KSR1: variants seen among roughly 807,000 people sequenced by gnomAD.
KSR1 encodes the protein kinase suppressor of ras 1.
In KSR1, 35 loss-of-function variants were observed where a neutral mutation model predicts 92.9. The observed-to-expected ratio is 0.38, with a 90% CI of 0.29 to 0.50. The LOEUF is 0.50. KSR1 is among the 20% of genes least tolerant of loss of function. The probability of loss-of-function intolerance (pLI) is 0.94; values close to 1 mark genes in which losing one functional copy is unlikely to be tolerated. For synonymous variants in KSR1, 467 were observed against 472.6 expected, an observed-to-expected ratio of 0.99 and a Z score of 0.15; for missense variants, 972 against 1,158.5, an observed-to-expected ratio of 0.84 and a Z score of 2.34.
At chr17:27,585,311 GCCTCCT>G (rs2072924137) in intron 4 of KSR1, among the ~76,000 whole-genome samples, 2 of 152,158 alleles carry the variant, frequency 1.3e-5, no homozygotes, top group Non-Finnish European at 2.9e-5. Context: ...GACCTACTGA[GCCTCCT>G]GAGGCTCAGT....
Position 27,550,658 on chromosome 17 carries a change from C to T in KSR1, c.322C>T (p.Arg108Cys), listed in dbSNP as rs556864965. The T allele has an allele frequency of 1.2e-5, 9 of 764,134 alleles. No individual in the cohort carries two copies. In the East Asian group the frequency reaches 1.5e-4, roughly 12 times the overall value. 47.3% of individuals were successfully genotyped at this position (764,134 alleles called of 1,614,324 possible). ...ERTPELNSYP[R>C]FSDWLYTFNV... ...GACCCCAGAGCTCAACAGCTACCCC[C>T]GCTTCAGCGACTGGCTGTACACTTT... The change falls in exon 2 of 21, where the codon CGC becomes TGC. Residue 108 changes from arginine (R) to cysteine (C), a missense_variant. By Grantham distance (180) the Arg-to-Cys change is radical (BLOSUM62 -3). This residue lies in a region of KSR1 where 611 missense variants were observed against 668.0 expected (regional missense o/e 0.91). Coordinates refer to ENST00000644974, the MANE Select transcript of KSR1 (RefSeq NM_001394583.1).
chr17:27,458,849 C>T (rs866036600), intron 1 of KSR1, among the ~76,000 whole-genome samples: 19 of 152,156 alleles, frequency 1.2e-4, no homozygotes, highest in Middle Eastern at 6.8e-3. Context: ...CACTTCATCC[C>T]GGAGGCCTCA....
chr17:27,458,283 CA>C (rs1391699328), intron 1 of KSR1, among the ~76,000 whole-genome samples: 1 of 152,152 alleles, frequency 6.6e-6, no homozygotes, highest in Non-Finnish European at 1.5e-5. Context: ...GTTTGCTCAG[CA>C]AAGTTCAGTT....
intron 1 of KSR1, chr17:27,483,618 T>C (rs1377549991): frequency 6.7e-6 from 1 of 150,212 alleles, no homozygotes; most frequent in Non-Finnish European, 1.5e-5. Flanking sequence ...CACAGACCCA[T>C]GCTTTTCCTC....
At chr17:27,576,986 A>G (rs1331288222) in intron 2 of KSR1, among the ~76,000 whole-genome samples, 1 of 151,610 alleles carries the variant, frequency 6.6e-6, no homozygotes, top group Non-Finnish European at 1.5e-5. Flanking sequence ...GGCCAGTGAA[A>G]AGTTTTGATA....
chr17:27,532,284 C>T (rs2313921), intron 1 of KSR1, among the ~76,000 whole-genome samples: 61,870 of 152,010 alleles, frequency 0.41, 13,276 homozygotes, highest in African/African-American at 0.54. Flanking sequence ...GGGGTTTGCC[C>T]GGTTTTTCTC....
intron 1 of KSR1, among the ~76,000 whole-genome samples, chr17:27,526,119 A>G (rs868548820): frequency 2.9e-5 from 1 of 34,698 alleles, no homozygotes; most frequent in Middle Eastern, 0.018. Flanking sequence ...TCTCTCTCTC[A>G]TGGTTCTTGT....
intron 2 of KSR1, among the ~76,000 whole-genome samples, chr17:27,570,132 C>T (rs1313212676): frequency 6.6e-6 from 1 of 152,204 alleles, no homozygotes; most frequent in Non-Finnish European, 1.5e-5. Flanking sequence ...ACCCCACTGC[C>T]AGAGCTCACC....
chr17:27,519,763 G>A (rs745894626), intron 1 of KSR1, among the ~76,000 whole-genome samples: 4 of 152,202 alleles, frequency 2.6e-5, no homozygotes, highest in East Asian at 1.9e-4. Context: ...AAATTGGGAC[G>A]GGTTGTGGTG....
chr17:27,484,736 C>G (rs913201710), intron 1 of KSR1, among the ~76,000 whole-genome samples: 1 of 152,146 alleles, frequency 6.6e-6, no homozygotes, highest in Non-Finnish European at 1.5e-5. Context: ...TGCCTTGGGG[C>G]TAGGGGTCAG....
intron 15 of KSR1, among the ~76,000 whole-genome samples, chr17:27,608,402 C>A (rs748304382): frequency 2.0e-5 from 3 of 152,094 alleles, no homozygotes; most frequent in African/African-American, 7.2e-5. Flanking sequence ...GTTAAAAACG[C>A]GATAATCCAT....
chr17:27,613,473 A>C (rs954553261), intron 18 of KSR1, among the ~76,000 whole-genome samples: 3 of 152,232 alleles, frequency 2.0e-5, no homozygotes, highest in African/African-American at 7.2e-5. Context: ...ATATCAGGCC[A>C]CCACACACGA....
chr17:27,590,662 G>C, intron 6 of KSR1, 149 bp from the exon 7 acceptor site: 1 of 636,282 alleles, frequency 1.6e-6, no homozygotes, highest in African/African-American at 1.8e-5. Context: ...GTGGCCCGTG[G>C]GTATCTCTGT....
chr17:27,596,191 TCA>T (rs2073339986), intron 9 of KSR1, among the ~76,000 whole-genome samples: 1 of 152,218 alleles, frequency 6.6e-6, no homozygotes, highest in Non-Finnish European at 1.5e-5. Context: ...TTACTAAGCT[TCA>T]TCTGGTTATC....
At chr17:27,615,347 C>G (rs2151260103) in intron 18 of KSR1, among the ~76,000 whole-genome samples, 1 of 152,326 alleles carries the variant, frequency 6.6e-6, no homozygotes, top group Middle Eastern at 3.4e-3. Context: ...AGCCACTGGT[C>G]AGATGATTCA....
chr17:27,535,608 G>A (rs1449591518), intron 1 of KSR1, among the ~76,000 whole-genome samples: 1 of 152,164 alleles, frequency 6.6e-6, no homozygotes, highest in Non-Finnish European at 1.5e-5. Flanking sequence ...TCATCTGGAC[G>A]CTTTCCTTCT....
rs1413557043 is a variant in KSR1, at chr17:27,609,230, A to G, written c.2126A>G (p.His709Arg). The G allele has an allele frequency of 1.9e-6, 3 of 1,614,018 alleles. No individual in the cohort carries two copies. Among genetic ancestry groups the G allele is most frequent in the Non-Finnish European group, 2.5e-6 (3 of 1,179,884 alleles). ...TATCTTCATGCCAAGGGCATCGTACACAAAGATCTCAAATCTAAGAACGTC... is the reference window on the plus strand; with the variant it reads ...TATCTTCATGCCAAGGGCATCGTACGCAAAGATCTCAAATCTAAGAACGTC... ...MGYLHAKGIV[H>R]KDLKSKNVFY... The change falls in exon 16 of 21, where the codon CAC becomes CGC. Residue 709 changes from histidine to arginine, a missense_variant. By Grantham distance (29) the His-to-Arg change is conservative. Around this residue, in one of 5 missense-constraint regions of KSR1, gnomAD observed 260 missense variants for 375.2 expected, o/e 0.69. Transcript: ENST00000644974.
At chr17:27,610,006 G>A in intron 16 of KSR1, 61 bp from the exon 17 acceptor site, 2 of 1,599,574 alleles carry the variant, frequency 1.3e-6, no homozygotes, top group Non-Finnish European at 1.7e-6. Flanking sequence ...CCTGTGCCAG[G>A]CAGGCCTCTT....
chr17:27,582,388 C>T (rs957926001), intron 3 of KSR1, among the ~76,000 whole-genome samples: 6 of 152,044 alleles, frequency 3.9e-5, no homozygotes, highest in Admixed American at 1.3e-4. Context: ...AGTTTTGGAG[C>T]GTTTTGGATT....
Sources: gnomAD v4.1 joint callset for allele counts (sites outside exome capture counted in the v4.1 genomes callset) on GRCh38, gnomAD v4.1.1 for gene constraint, gnomAD v4.1.1 regional missense constraint, MANE v1.5 for transcripts, NCBI Gene and HGNC (gene_info 2026-07-23, HGNC 2026-07-21) for gene names.